The following SRGAP2 variants were observed in gnomAD, a reference collection of about 807,000 sequenced individuals.
SRGAP2 encodes the protein SLIT-ROBO Rho GTPase-activating protein 2.
In SRGAP2, 15 loss-of-function variants were observed where a neutral mutation model predicts 57.2. The ratio of observed to expected loss-of-function variants is 0.26; its 90% CI spans 0.18 to 0.40. SRGAP2 has a LOEUF of 0.40. SRGAP2 is among the 10% of genes least tolerant of loss of function. SRGAP2 has a pLI of 1.00. For missense variants in SRGAP2, 520 were observed against 669.6 expected, an observed-to-expected ratio of 0.78 and a Z score of 2.47; for synonymous variants, 249 against 248.0, an observed-to-expected ratio of 1.00 and a Z score of -0.04.
At chr1:206,367,951 T>C (rs1280790013) in intron 4 of SRGAP2, among the ~76,000 whole-genome samples, 1 of 152,006 alleles carries the variant, frequency 6.6e-6, no homozygotes, top group East Asian at 1.9e-4. Flanking sequence ...GCCAGACATA[T>C]CATGAAGGAG....
intron 7 of SRGAP2, among the ~76,000 whole-genome samples, chr1:206,394,514 A>T (rs1657376072): frequency 6.6e-6 from 1 of 152,182 alleles, no homozygotes; most frequent in Admixed American, 6.5e-5. Flanking sequence ...ATGGGTAAGC[A>T]TTGCTGTCTC....
intron 2 of SRGAP2, among the ~76,000 whole-genome samples, chr1:206,292,270 T>C (rs2102721816): frequency 6.6e-6 from 1 of 152,292 alleles, no homozygotes; most frequent in East Asian, 1.9e-4. Context: ...CCTCCACTTC[T>C]CTGTACTTGT....
At chr1:206,389,206 G>T in intron 5 of SRGAP2, among the ~76,000 whole-genome samples, 1 of 105,872 alleles carries the variant, frequency 9.4e-6, no homozygotes. Flanking sequence ...ATGGAGTCTT[G>T]CTCTGTTGCC....
chr1:206,418,888 C>CTCTGTGTGTGTGTG (rs1553363092), intron 11 of SRGAP2, among the ~76,000 whole-genome samples: 6 of 136,644 alleles, frequency 4.4e-5, no homozygotes, highest in African/African-American at 1.4e-4. Context: ...CCAACTCTCT[C>CTCTGTGTGTGTGTG]TGTGTGTGTG....
intron 2 of SRGAP2, chr1:206,207,643 A>T (rs1306245371): frequency 6.8e-6 from 1 of 146,602 alleles, no homozygotes; most frequent in Non-Finnish European, 1.5e-5. Context: ...TTTTTTTTTA[A>T]CACATCCTAT....
At chr1:206,427,450 T>C (rs1553366740) in intron 13 of SRGAP2, among the ~76,000 whole-genome samples, 1 of 152,182 alleles carries the variant, frequency 6.6e-6, no homozygotes, top group African/African-American at 2.4e-5. Context: ...TTTGGGTCGC[T>C]GCGACCGTCC....
intron 13 of SRGAP2, among the ~76,000 whole-genome samples, chr1:206,421,741 G>C (rs773398103): frequency 1.3e-5 from 2 of 152,164 alleles, no homozygotes; most frequent in Non-Finnish European, 2.9e-5. Flanking sequence ...CTAACAATGA[G>C]AAGATTAAGT....
chr1:206,291,205 A>G (rs1224839729), intron 2 of SRGAP2, among the ~76,000 whole-genome samples: 6 of 151,658 alleles, frequency 4.0e-5, no homozygotes, highest in Admixed American at 1.3e-4. Flanking sequence ...AGTGGTTAAG[A>G]GCACTGATTT....
At chr1:206,296,933 GTCTC>G (rs1171473072) in intron 2 of SRGAP2, 8 of 151,442 alleles carry the variant, frequency 5.3e-5, no homozygotes, top group African/African-American at 1.9e-4. Flanking sequence ...GTGGTGCTGT[GTCTC>G]TCTCTCTGCT....
intron 2 of SRGAP2, among the ~76,000 whole-genome samples, chr1:206,285,552 T>G (rs1167071099): frequency 6.6e-6 from 1 of 152,204 alleles, no homozygotes; most frequent in Non-Finnish European, 1.5e-5. Context: ...ACGGGTACTT[T>G]TAAATCTTCT....
chr1:206,319,818 G>GT (rs1157078876), intron 3 of SRGAP2, among the ~76,000 whole-genome samples: 1 of 142,368 alleles, frequency 7.0e-6, no homozygotes, highest in Non-Finnish European at 1.5e-5. Flanking sequence ...GTTGTTTTTT[G>GT]TTTTTTGCGA....
chr1:206,360,824 T>TAAGGC (rs1403685944), intron 4 of SRGAP2, among the ~76,000 whole-genome samples: 2 of 139,252 alleles, frequency 1.4e-5, no homozygotes, highest in African/African-American at 5.5e-5. Flanking sequence ...TTTACCCAGT[T>TAAGGC]AGGTAGTAGT....
chr1:206,460,915 A>G, intron 22 of SRGAP2, 122 bp from the exon 23 acceptor site: 2 of 539,442 alleles, frequency 3.7e-6, no homozygotes, highest in South Asian at 5.9e-5. Flanking sequence ...ATTTAGGCCA[A>G]GTACAATAAT....
At chr1:206,382,672 T>G (rs1655810870) in intron 4 of SRGAP2, among the ~76,000 whole-genome samples, 1 of 152,050 alleles carries the variant, frequency 6.6e-6, no homozygotes, top group African/African-American at 2.4e-5. Flanking sequence ...ACATTACTTT[T>G]GTAATCAGAA....
chr1:206,360,727 G>A (rs2102990626), intron 4 of SRGAP2, among the ~76,000 whole-genome samples: 2 of 152,044 alleles, frequency 1.3e-5, no homozygotes, highest in South Asian at 4.2e-4. Context: ...CATTTATTGA[G>A]GGAAGTGTGT....
intron 14 of SRGAP2, among the ~76,000 whole-genome samples, chr1:206,433,631 G>A (rs1322005866): frequency 3.4e-5 from 5 of 146,262 alleles, no homozygotes; most frequent in East Asian, 3.9e-4. Context: ...GTGAGACCCT[G>A]TCTCAAAAAA....
chr1:206,395,848 T>G, intron 7 of SRGAP2, among the ~76,000 whole-genome samples: 1 of 148,732 alleles, frequency 6.7e-6, no homozygotes. Context: ...AAAAAAAACG[T>G]CTGCTAAGAG....
intron 17 of SRGAP2, among the ~76,000 whole-genome samples, chr1:206,444,729 T>G (rs116098669): frequency 1.3e-5 from 2 of 152,230 alleles, no homozygotes; most frequent in East Asian, 3.8e-4. Context: ...TCTAAATCTC[T>G]GCTCTCTTTG....
rs369865229 is a variant in SRGAP2 at position 206,421,286 on chromosome 1, A to G, written c.1494+12A>G. The G allele has an allele frequency of 5.1e-5, 40 of 778,156 alleles. No individual in the cohort carries two copies. In the African/African-American group the frequency reaches 5.9e-4, roughly 12 times the overall value. The allele number at this position is 778,156 out of a possible 1,614,324, so 48.2% of individuals were successfully genotyped here. A position where few individuals can be genotyped will look rare whatever the true frequency, so the allele number is the denominator to read the frequency against. ...CTGTGAGGAAACAGGTAAGGGCCCAAGCGGGGCCAGGCTGGTCTGGCCTGA... is the reference window on the plus strand; with the variant it reads ...CTGTGAGGAAACAGGTAAGGGCCCAGGCGGGGCCAGGCTGGTCTGGCCTGA... On this transcript the variant is annotated intron_variant, in intron 13 of 22. Transcript: ENST00000573034.
Sources: allele counts gnomAD v4.1 joint callset (sites outside exome capture counted in the v4.1 genomes callset), GRCh38; gene constraint gnomAD v4.1.1; transcripts MANE v1.5; gene names NCBI Gene and HGNC (gene_info 2026-07-23, HGNC 2026-07-21).